The following SORCS2 variants were observed in gnomAD, a reference collection of about 807,000 sequenced individuals.
The protein encoded by SORCS2 is sortilin related VPS10 domain containing receptor 2, also known as VPS10 domain-containing receptor SorCS2.
A neutral mutation model predicts 141.6 loss-of-function variants in SORCS2; 100 were observed. The observed-to-expected ratio is 0.71, with a 90% confidence interval of 0.60 to 0.83. The LOEUF (loss-of-function observed/expected upper bound fraction) is 0.83, where lower values mean the gene tolerates loss of function less well. Among genes scored for constraint, SORCS2 ranks in the 40% least tolerant of loss-of-function variants. The pLI, the probability that SORCS2 is intolerant of heterozygous loss-of-function variation, is 0.00. For synonymous variants in SORCS2, 789 were observed against 676.9 expected, an observed-to-expected ratio of 1.17 and a Z score of -2.57; for missense variants, 1,646 against 1,560.2, an observed-to-expected ratio of 1.05 and a Z score of -0.93.
chr4:7,689,124 A>G (rs2108983047), intron 10 of SORCS2, among the ~76,000 whole-genome samples: 1 of 152,222 alleles, frequency 6.6e-6, no homozygotes, highest in Admixed American at 6.5e-5. Flanking sequence ...GATGCCCAAG[A>G]GCCCTCAGTG....
At chr4:7,604,095 C>T (rs1313697041) in intron 3 of SORCS2, among the ~76,000 whole-genome samples, 1 of 151,794 alleles carries the variant, frequency 6.6e-6, no homozygotes, top group Non-Finnish European at 1.5e-5. Flanking sequence ...TGTGTGTGTA[C>T]TTTTCTCCTC....
chr4:7,341,119 G>A (rs544193915), intron 1 of SORCS2, among the ~76,000 whole-genome samples: 63 of 152,348 alleles, frequency 4.1e-4, no homozygotes, highest in African/African-American at 1.3e-3. Context: ...TGACTGCAGC[G>A]TCTCAGTCCT....
chr4:7,704,447 C>T (rs1422668496), intron 14 of SORCS2, among the ~76,000 whole-genome samples, 163 bp downstream of exon 14: 4 of 152,238 alleles, frequency 2.6e-5, no homozygotes, highest in Admixed American at 6.5e-5. Context: ...AGGCTCCAGG[C>T]CGGCTCCACC....
chr4:7,206,135 T>C (rs537875581), intron 1 of SORCS2, among the ~76,000 whole-genome samples: 6 of 152,274 alleles, frequency 3.9e-5, no homozygotes, highest in Non-Finnish European at 7.4e-5. Context: ...TGGGGACAGA[T>C]GGACCCCATG....
At chr4:7,282,016 G>C (rs895747759) in intron 1 of SORCS2, among the ~76,000 whole-genome samples, 3 of 152,206 alleles carry the variant, frequency 2.0e-5, no homozygotes, top group Non-Finnish European at 4.4e-5. Flanking sequence ...CTGCCTCGTG[G>C]AGCTCCTAAG....
At chr4:7,553,522 T>G (rs1302865129) in intron 3 of SORCS2, among the ~76,000 whole-genome samples, 1 of 152,216 alleles carries the variant, frequency 6.6e-6, no homozygotes, top group African/African-American at 2.4e-5. Context: ...CAACTTCAGA[T>G]AGCAGAACAT....
chr4:7,732,565 C>T (rs1437382430), intron 23 of SORCS2, among the ~76,000 whole-genome samples: 1 of 152,174 alleles, frequency 6.6e-6, no homozygotes, highest in Non-Finnish European at 1.5e-5. Flanking sequence ...CAACCCAGCA[C>T]CACCTCCTGG....
At chr4:7,702,315 C>T (rs1725139611) in intron 12 of SORCS2, among the ~76,000 whole-genome samples, 1 of 152,220 alleles carries the variant, frequency 6.6e-6, no homozygotes, top group African/African-American at 2.4e-5. Context: ...GATGGCTGTG[C>T]CCTTACTGGG....
At chr4:7,413,883 G>A (rs538462978) in intron 2 of SORCS2, among the ~76,000 whole-genome samples, 19 of 152,142 alleles carry the variant, frequency 1.2e-4, no homozygotes, top group Non-Finnish European at 2.2e-4. Context: ...AAGCTCTTCT[G>A]TGTGCCCTTT....
chr4:7,650,399 A>G (rs1721357164), intron 4 of SORCS2, among the ~76,000 whole-genome samples: 1 of 152,198 alleles, frequency 6.6e-6, no homozygotes, highest in African/African-American at 2.4e-5. Flanking sequence ...ACCACTTTGC[A>G]GCGTGCCTGG....
At chr4:7,452,821 TCCGTGTTGGGGTCAGGTG>T (rs1728553990) in intron 2 of SORCS2, among the ~76,000 whole-genome samples, 1 of 150,648 alleles carries the variant, frequency 6.6e-6, no homozygotes, top group Non-Finnish European at 1.5e-5. Flanking sequence ...GGGGTCAGGC[TCCGTGTTGGGGTCAGGTG>T]CTGTGTTGGG....
intron 1 of SORCS2, among the ~76,000 whole-genome samples, chr4:7,314,800 G>GTTTTTTTTTTTTTTT (rs397880294): frequency 3.6e-5 from 4 of 109,838 alleles, no homozygotes; most frequent in African/African-American, 1.3e-4. Flanking sequence ...CCACTGTTCT[G>GTTTTTTTTTTTTTTT]TTTTTTTTTT....
At chr4:7,612,782 C>T (rs1338235822) in intron 3 of SORCS2, among the ~76,000 whole-genome samples, 1 of 151,532 alleles carries the variant, frequency 6.6e-6, no homozygotes, top group African/African-American at 2.4e-5. Context: ...CCCACAGGAG[C>T]TTCGCGGACG....
At chr4:7,489,121 A>G (rs1731163200) in intron 2 of SORCS2, among the ~76,000 whole-genome samples, 1 of 152,212 alleles carries the variant, frequency 6.6e-6, no homozygotes, top group Non-Finnish European at 1.5e-5. Context: ...CACAGACAGC[A>G]AGATGGAGGC....
rs1721224488 is a variant in SORCS2, at chr4:7,648,451, T to C, written c.814-5683T>C. On this transcript the variant is annotated intron_variant, in intron 4 of 26. Coordinates refer to ENST00000507866, the MANE Select transcript of SORCS2 (RefSeq NM_020777.3). The surrounding 1 kb of genome is among the most constrained non-coding windows in gnomAD (Gnocchi z 4.2). ...ATGTCACCCCCAGGCAGCAGCGACC[T>C]TGGGACTCAGCCCCCGCCTTCCTCT... Among the ~76,000 whole-genome samples, 1 of 152,084 alleles carries C rather than the reference T, an allele frequency of 6.6e-6. No homozygotes were observed. Among genetic ancestry groups the C allele is most frequent in the African/African-American group, 2.4e-5 (1 of 41,414 alleles).
At chr4:7,354,499 G>C (rs1001152439) in intron 1 of SORCS2, among the ~76,000 whole-genome samples, 26 of 152,260 alleles carry the variant, frequency 1.7e-4, no homozygotes, top group Non-Finnish European at 1.5e-4. Context: ...GGAGATTGGG[G>C]CGAGTCCCAG....
chr4:7,341,629 G>T (rs1322444691), intron 1 of SORCS2, among the ~76,000 whole-genome samples: 2 of 152,208 alleles, frequency 1.3e-5, no homozygotes, highest in Admixed American at 1.3e-4. Context: ...ATTTCCTGAG[G>T]TTCCATGCAG....
intron 1 of SORCS2, among the ~76,000 whole-genome samples, chr4:7,195,527 C>T (rs1325270669): frequency 1.3e-5 from 2 of 152,208 alleles, no homozygotes; most frequent in Admixed American, 6.5e-5. Flanking sequence ...CCTGATCATC[C>T]TGAACCTCAG....
At chr4:7,261,929 G>A (rs1243959030) in intron 1 of SORCS2, among the ~76,000 whole-genome samples, 1 of 152,184 alleles carries the variant, frequency 6.6e-6, no homozygotes, top group South Asian at 2.1e-4. Context: ...TTTGCATTAT[G>A]TATGAAATTT....
Sources: allele counts gnomAD v4.1 joint callset (sites outside exome capture counted in the v4.1 genomes callset), GRCh38; gene constraint gnomAD v4.1.1; non-coding constraint Gnocchi (gnomAD v3.1); transcripts MANE v1.5; gene names NCBI Gene and HGNC (gene_info 2026-07-23, HGNC 2026-07-21).